Variants in CDCA4 observed in about 807,000 individuals in gnomAD.
CDCA4 encodes the protein cell division cycle-associated protein 4.
For missense variants in CDCA4, 294 were observed against 322.1 expected (o/e 0.91, Z 0.67); for synonymous variants, 130 against 137.0 (o/e 0.95, Z 0.36).
rs1032647068 is a variant in CDCA4, at chr14:105,021,049, C to T, written c.-57G>A. ...TCCTCTGCTCAGCCACCGCCACCGC[C>T]GCTGCCGCCAGCTTCCCGCCGCTGA... On this transcript the variant is annotated 5_prime_UTR_variant, in exon 1 of 2. Transcript: ENST00000336219. 1 of 152,872 alleles carries T rather than the reference C, an allele frequency of 6.5e-6. No homozygotes were observed. Among genetic ancestry groups the T allele is most frequent in the African/African-American group, 2.4e-5 (1 of 41,402 alleles). The allele number at this position is 152,872 out of a possible 1,614,324, so 9.5% of individuals were successfully genotyped here.
chr14:105,020,811 G>A (rs967659117), intron 1 of CDCA4, among the ~76,000 whole-genome samples, 188 bp downstream of exon 1: 5 of 151,892 alleles, frequency 3.3e-5, no homozygotes, highest in South Asian at 4.1e-4. Flanking sequence ...CCCCGCGGGG[G>A]AACCAGCGCC....
At position 105,011,021 on chromosome 14, in the gene CDCA4, G is replaced by C. The variant is rs142710447; in HGVS notation, c.*183C>G. 813 of 697,314 alleles carry C rather than the reference G, an allele frequency of 1.2e-3. 10 individuals carry two copies. Among genetic ancestry groups the C allele is most frequent in the South Asian group, 0.011 (577 of 51,350 alleles). 43.2% of individuals were successfully genotyped at this position (697,314 alleles called of 1,614,324 possible). On this transcript the variant is annotated 3_prime_UTR_variant, in exon 2 of 2. Transcript: ENST00000336219. ...ACAGCCTCTGCCTGGCGCTCCACAG[G>C]GGGGAGGTGAGTGGGACGGGCCTAG...
intron 1 of CDCA4, among the ~76,000 whole-genome samples, chr14:105,015,358 G>C (rs1900617998): frequency 2.5e-5 from 1 of 39,958 alleles, no homozygotes; most frequent in African/African-American, 4.5e-5. Flanking sequence ...CTCTGAGCGA[G>C]GGAATATACC....
In CDCA4 at chr14:105,011,580, A is replaced by C. The variant is rs1900503305; in HGVS notation, c.350T>G (p.Leu117Trp). 2 of 1,613,918 alleles carry C rather than the reference A, an allele frequency of 1.2e-6. No individual in the cohort carries two copies. Among genetic ancestry groups the C allele is most frequent in the East Asian group, 4.5e-5 (2 of 44,868 alleles). The change falls in exon 2 of 2, where the codon TTG (leucine) becomes TGG (tryptophan). Residue 117 changes from leucine to tryptophan, a missense_variant. Leu to Trp is a moderately conservative substitution (Grantham distance 61). Transcript: ENST00000336219. ...TGGACCCTGTGTGTGGCCGTCCCCC[A>C]AGCCAGGAGCAGGATGTGCCCCCTC... ...GQEGAHPAPGLGDGHTQGPVS... is the reference protein window; with the variant it reads ...GQEGAHPAPGWGDGHTQGPVS...
Position 105,011,541 on chromosome 14 carries a change from C to A in CDCA4, c.389G>T (p.Cys130Phe), listed in dbSNP as rs1437695600. ...GHTQGPVSDL[C>F]PVTSAQAPRH... ...TGGTGCCTGTGCTGAGGTGACTGGG[C>A]AAAGGTCAGAAACTGGACCCTGTGT... The change falls in exon 2 of 2, where the codon TGC becomes TTC. Residue 130 changes from cysteine (C) to phenylalanine (F), a missense_variant. Coordinates refer to ENST00000336219, the MANE Select transcript of CDCA4 (RefSeq NM_017955.4). The A allele has an allele frequency of 6.2e-7, 1 of 1,614,144 alleles. No homozygotes were observed. The highest frequency in any genetic ancestry group is 8.5e-7 in the Non-Finnish European group (1 of 1,180,010).
chr14:105,017,099 CA>C (rs1900670363), intron 1 of CDCA4, among the ~76,000 whole-genome samples: 1 of 152,162 alleles, frequency 6.6e-6, no homozygotes, highest in South Asian at 2.1e-4. Context: ...ATTCAGAGAA[CA>C]GGGGGAACCT....
rs142710447 is a variant in CDCA4 at position 105,011,021 on chromosome 14, G to A, written c.*183C>T. The A allele has an allele frequency of 3.7e-5, 26 of 697,320 alleles. No individual in the cohort carries two copies. The highest frequency in any genetic ancestry group is 1.2e-4 in the South Asian group (6 of 51,356). 43.2% of individuals were successfully genotyped at this position (697,320 alleles called of 1,614,324 possible). ...ACAGCCTCTGCCTGGCGCTCCACAGGGGGGAGGTGAGTGGGACGGGCCTAG... is the reference window on the plus strand; with the variant it reads ...ACAGCCTCTGCCTGGCGCTCCACAGAGGGGAGGTGAGTGGGACGGGCCTAG... On this transcript the variant is annotated 3_prime_UTR_variant, in exon 2 of 2. Coordinates refer to ENST00000336219, the MANE Select transcript of CDCA4 (RefSeq NM_017955.4).
intron 1 of CDCA4, among the ~76,000 whole-genome samples, chr14:105,019,895 G>T (rs1007299518): frequency 2.0e-5 from 3 of 152,124 alleles, no homozygotes; most frequent in Non-Finnish European, 4.4e-5. Context: ...TGTATTTTTA[G>T]TACAGACGGG....
chr14:105,015,583 T>C (rs1255397114), intron 1 of CDCA4, among the ~76,000 whole-genome samples: 1 of 150,850 alleles, frequency 6.6e-6, no homozygotes, highest in African/African-American at 2.4e-5. Context: ...AGGACATGAT[T>C]AGTAACCGAC....
At position 105,010,966 on chromosome 14, in the gene CDCA4, G is replaced by T. The variant is rs1283263736; in HGVS notation, c.*238C>A. 1.7e-6 allele frequency: 1 copy of T among 571,874 alleles called. No individual in the cohort carries two copies. Among genetic ancestry groups the T allele is most frequent in the Non-Finnish European group, 3.1e-6 (1 of 325,042 alleles). The allele number at this position is 571,874 out of a possible 1,614,324, so 35.4% of individuals were successfully genotyped here. On this transcript the variant is annotated 3_prime_UTR_variant, in exon 2 of 2. Transcript: ENST00000336219. ...GAGACACGAGGGGCCCAGGGCTGTG[G>T]GGACGTCAGAAGACAAGAAGCCTTC...
At chr14:105,012,127 C>G (rs765015889) in intron 1 of CDCA4, among the ~76,000 whole-genome samples, 192 bp from the exon 2 acceptor site, 1 of 152,226 alleles carries the variant, frequency 6.6e-6, no homozygotes, top group Non-Finnish European at 1.5e-5. Flanking sequence ...ACCCCCAGAT[C>G]AGCTGCCATC....
At chr14:105,016,872 C>T (rs527872266) in intron 1 of CDCA4, among the ~76,000 whole-genome samples, 7 of 152,356 alleles carry the variant, frequency 4.6e-5, no homozygotes, top group East Asian at 1.9e-4. Flanking sequence ...GAGGCACAGA[C>T]GGAGCAGAGT....
rs1378386983 is a variant in CDCA4, at chr14:105,010,268, T to G, written c.*936A>C. 1 of 152,392 alleles carries G rather than the reference T, an allele frequency of 6.6e-6. No individual in the cohort carries two copies. Among genetic ancestry groups the G allele is most frequent in the East Asian group, 1.9e-4 (1 of 5,178 alleles). The allele number at this position is 152,392 out of a possible 1,614,324, so 9.4% of individuals were successfully genotyped here. On this transcript the variant is annotated 3_prime_UTR_variant, in exon 2 of 2. Coordinates refer to ENST00000336219, the MANE Select transcript of CDCA4 (RefSeq NM_017955.4). Reference sequence around the variant, plus strand: ...AACAGAGCAGCGCAGGCGTTTCTCATCCAGCAGCAATGCTACTTCCTCACC... The same window carrying G: ...AACAGAGCAGCGCAGGCGTTTCTCAGCCAGCAGCAATGCTACTTCCTCACC...
chr14:105,020,396 A>T (rs1344352395), intron 1 of CDCA4, among the ~76,000 whole-genome samples: 1 of 152,202 alleles, frequency 6.6e-6, no homozygotes, highest in Non-Finnish European at 1.5e-5. Flanking sequence ...TGCCACGACG[A>T]TCCTGTTTGC....
At position 105,010,305 on chromosome 14, in the gene CDCA4, C is replaced by A. The variant is rs1357032291; in HGVS notation, c.*899G>T. 1 of 151,760 alleles carries A rather than the reference C, an allele frequency of 6.6e-6. No individual in the cohort carries two copies. Among genetic ancestry groups the A allele is most frequent in the African/African-American group, 2.4e-5 (1 of 40,970 alleles). The allele number at this position is 151,760 out of a possible 1,614,324, so 9.4% of individuals were successfully genotyped here. ...GCTACTTCCTCACCCAGGGCAGGTG[C>A]ATGGGCTGACCCTGATGGGAGCCTC... is the stretch of plus-strand genomic sequence containing the variant. On this transcript the variant is annotated 3_prime_UTR_variant, in exon 2 of 2. Coordinates refer to ENST00000336219, the MANE Select transcript of CDCA4 (RefSeq NM_017955.4).
intron 1 of CDCA4, among the ~76,000 whole-genome samples, chr14:105,019,598 G>A (rs1886171951): frequency 6.6e-6 from 1 of 152,206 alleles, no homozygotes; most frequent in African/African-American, 2.4e-5. Flanking sequence ...GGAAAAACAG[G>A]GAGAAGAGGA....
chr14:105,018,076 G>A (rs914468836), intron 1 of CDCA4, among the ~76,000 whole-genome samples: 4 of 151,922 alleles, frequency 2.6e-5, no homozygotes, highest in African/African-American at 9.7e-5. Flanking sequence ...ACACAGAAGG[G>A]TAGCCACCAT....
chr14:105,010,379 G>C lies in CDCA4; in HGVS notation c.*825C>G, dbSNP rs1459141392. Reference sequence around the variant, plus strand: ...ACCACCGAGGGGCTATGAGGTCCCTGAAGACCAACTGGTGCCTGTGATCTA... The same window carrying C: ...ACCACCGAGGGGCTATGAGGTCCCTCAAGACCAACTGGTGCCTGTGATCTA... On this transcript the variant is annotated 3_prime_UTR_variant, in exon 2 of 2. Coordinates refer to ENST00000336219, the MANE Select transcript of CDCA4 (RefSeq NM_017955.4). 1 of 152,314 alleles carries C rather than the reference G, an allele frequency of 6.6e-6. No homozygotes were observed. The highest frequency in any genetic ancestry group is 1.9e-4 in the East Asian group (1 of 5,202). The allele number at this position is 152,314 out of a possible 1,614,324, so 9.4% of individuals were successfully genotyped here.
rs1024493778 is a variant in CDCA4, at chr14:105,009,800, C to G, written c.*1404G>C. The G allele has an allele frequency of 6.6e-6, 1 of 151,970 alleles. No individual in the cohort carries two copies. Among genetic ancestry groups the G allele is most frequent in the African/African-American group, 2.4e-5 (1 of 41,376 alleles). The allele number at this position is 151,970 out of a possible 1,614,324, so 9.4% of individuals were successfully genotyped here. On this transcript the variant is annotated 3_prime_UTR_variant, in exon 2 of 2. Coordinates refer to ENST00000336219, the MANE Select transcript of CDCA4 (RefSeq NM_017955.4). ...GTGGGGGGGGGAAATAAAAGTAACC[C>G]AGCGTCCATTTAATGCAGCCAAGTG...
Sources: allele counts gnomAD v4.1 joint callset (sites outside exome capture counted in the v4.1 genomes callset), GRCh38; gene constraint gnomAD v4.1.1; transcripts MANE v1.5; gene names NCBI Gene and HGNC (gene_info 2026-07-23, HGNC 2026-07-21).